TECPR2: variants seen among roughly 807,000 people sequenced by gnomAD.
TECPR2 encodes the protein tectonin beta-propeller repeat containing 2.
Under a neutral mutation model 138.1 loss-of-function variants are expected in TECPR2, and 65 were observed. The ratio of observed to expected loss-of-function variants is 0.47; its 90% confidence interval spans 0.39 to 0.58. TECPR2 has a LOEUF of 0.58. TECPR2 is among the 20% of genes least tolerant of loss of function. The pLI, the probability that TECPR2 is intolerant of heterozygous loss-of-function variation, is 0.00. For synonymous variants in TECPR2, 746 were observed against 749.8 expected (o/e 0.99, Z 0.08); for missense variants, 1,553 against 1,824.5 (o/e 0.85, Z 2.71).
intron 2 of TECPR2, among the ~76,000 whole-genome samples, chr14:102,381,921 G>GT (rs1266450213): frequency 6.6e-6 from 1 of 152,222 alleles, no homozygotes; most frequent in East Asian, 1.9e-4. Context: ...TACAACATAA[G>GT]TAAGGGAGAG....
At chr14:102,433,579 G>C (rs557560322) in intron 8 of TECPR2, among the ~76,000 whole-genome samples, 1 of 152,068 alleles carries the variant, frequency 6.6e-6, no homozygotes. Context: ...AGAGTGCAAT[G>C]GTGCGATCTC....
chr14:102,434,504 G>A lies in TECPR2; in HGVS notation c.1687G>A (p.Glu563Lys), dbSNP rs867965598. ...SGSMPDSLAE[E>K]DDIRTEMPHC... The stretch of plus-strand genomic sequence containing the variant: ...ATCAATGCCTGATTCTCTGGCTGAG[G>A]AAGATGACATTAGAACTGAAATGCC... Residue 563 changes from glutamate (E) to lysine (K), a missense_variant, in exon 9 of 20, where the codon GAA becomes AAA. By Grantham distance (56) the Glu-to-Lys change is moderately conservative. Coordinates refer to ENST00000359520, the MANE Select transcript of TECPR2 (RefSeq NM_014844.5). The A allele has an allele frequency of 1.0e-5, 16 of 1,563,004 alleles. No homozygotes were observed. The highest frequency in any genetic ancestry group is 3.5e-4 in the Middle Eastern group (2 of 5,794).
At chr14:102,433,162 G>A (rs184815791) in intron 8 of TECPR2, among the ~76,000 whole-genome samples, 1 of 152,060 alleles carries the variant, frequency 6.6e-6, no homozygotes, top group Admixed American at 6.5e-5. Context: ...CCAAATATGG[G>A]ATTTAACATT....
At position 102,498,383 on chromosome 14, in the gene TECPR2, G is replaced by C; in HGVS notation, c.*126G>C. On this transcript the variant is annotated 3_prime_UTR_variant, in exon 20 of 20. Transcript: ENST00000359520. ...AGACACCTCTGGCCAGGTTGGACCC[G>C]CACACTTACTTTCATCTATGTTGGT... The C allele has an allele frequency of 8.5e-7, 1 of 1,175,818 alleles. No homozygotes were observed. The highest frequency in any genetic ancestry group is 1.2e-6 in the Non-Finnish European group (1 of 859,886). 72.8% of individuals were successfully genotyped at this position (1,175,818 alleles called of 1,614,324 possible). A position where few individuals can be genotyped will look rare whatever the true frequency, so the allele number is the denominator to read the frequency against.
At chr14:102,384,185 C>T (rs573690647) in intron 2 of TECPR2, among the ~76,000 whole-genome samples, 59 of 152,042 alleles carry the variant, frequency 3.9e-4, no homozygotes, top group Non-Finnish European at 7.5e-4. Flanking sequence ...TCCCAAAGTG[C>T]TGGGATTACG....
intron 1 of TECPR2, among the ~76,000 whole-genome samples, chr14:102,366,490 G>A (rs1287949506): frequency 6.6e-6 from 1 of 152,144 alleles, no homozygotes; most frequent in Non-Finnish European, 1.5e-5. Flanking sequence ...GGGATTACAG[G>A]TGTGCGCCAC....
At chr14:102,425,869 TG>T (rs1889306178) in intron 6 of TECPR2, among the ~76,000 whole-genome samples, 1 of 132,598 alleles carries the variant, frequency 7.5e-6, no homozygotes, top group South Asian at 2.5e-4. Flanking sequence ...CCACCATGCC[TG>T]GTTTTTTTTT....
chr14:102,406,454 G>A (rs756838395), intron 2 of TECPR2, among the ~76,000 whole-genome samples: 7 of 152,190 alleles, frequency 4.6e-5, no homozygotes, highest in Admixed American at 2.0e-4. Flanking sequence ...GCTGAGGCAG[G>A]AGAATCGCTT....
At chr14:102,365,715 G>A (rs1887329802) in intron 1 of TECPR2, among the ~76,000 whole-genome samples, 2 of 152,218 alleles carry the variant, frequency 1.3e-5, no homozygotes, top group South Asian at 2.1e-4. Flanking sequence ...AGGGCTGAGA[G>A]AAGAAGCGTG....
intron 8 of TECPR2, among the ~76,000 whole-genome samples, chr14:102,433,542 C>T (rs543639250): frequency 3.3e-5 from 5 of 151,648 alleles, no homozygotes; most frequent in African/African-American, 1.2e-4. Flanking sequence ...TTATTGGAGA[C>T]AGAGTTTCAC....
At chr14:102,471,957 T>C (rs1890660378) in intron 17 of TECPR2, among the ~76,000 whole-genome samples, 1 of 152,230 alleles carries the variant, frequency 6.6e-6, no homozygotes, top group African/African-American at 2.4e-5. Flanking sequence ...GTCACAATTA[T>C]CACGTACATG....
At chr14:102,461,154 T>G (rs567479670) in intron 16 of TECPR2, among the ~76,000 whole-genome samples, 13 of 152,196 alleles carry the variant, frequency 8.5e-5, no homozygotes, top group Non-Finnish European at 1.8e-4. Context: ...TTGTAGTGAT[T>G]TATTATAATC....
chr14:102,450,858 C>T (rs1051686328), intron 15 of TECPR2, among the ~76,000 whole-genome samples: 1 of 152,168 alleles, frequency 6.6e-6, no homozygotes, highest in Non-Finnish European at 1.5e-5. Flanking sequence ...TGAGAGGGAC[C>T]GAGCGTGGTG....
intron 5 of TECPR2, among the ~76,000 whole-genome samples, 155 bp downstream of exon 5, chr14:102,414,948 C>T (rs1254551461): frequency 6.6e-6 from 1 of 152,170 alleles, no homozygotes; most frequent in African/African-American, 2.4e-5. Context: ...CCTGTGCCTG[C>T]TTAGGATTTC....
intron 17 of TECPR2, among the ~76,000 whole-genome samples, chr14:102,478,615 C>G (rs1890819405): frequency 6.6e-6 from 1 of 151,286 alleles, no homozygotes; most frequent in African/African-American, 2.4e-5. Context: ...TGTCAGTGCG[C>G]TCCAGCCTGG....
intron 6 of TECPR2, among the ~76,000 whole-genome samples, chr14:102,426,376 T>G (rs1190539): frequency 6.6e-6 from 1 of 152,158 alleles, no homozygotes; most frequent in East Asian, 1.9e-4. Flanking sequence ...TTTCAGTTTC[T>G]CCTTGTCTTA....
At chr14:102,388,581 C>T (rs1038845294) in intron 2 of TECPR2, among the ~76,000 whole-genome samples, 4 of 152,086 alleles carry the variant, frequency 2.6e-5, no homozygotes, top group Non-Finnish European at 5.9e-5. Context: ...GTTAACCCAA[C>T]ACTTTGGGAG....
intron 11 of TECPR2, among the ~76,000 whole-genome samples, chr14:102,442,255 G>A (rs1889856161): frequency 1.3e-5 from 2 of 152,196 alleles, no homozygotes; most frequent in African/African-American, 4.8e-5. Flanking sequence ...GGCATTATAG[G>A]CGTGAGCCAC....
intron 16 of TECPR2, among the ~76,000 whole-genome samples, chr14:102,460,613 CAA>C (rs143550871): frequency 7.9e-6 from 1 of 125,902 alleles, no homozygotes; most frequent in Admixed American, 7.9e-5. Context: ...GACTCTGTCT[CAA>C]AAAAAAAAAA....
Sources: gnomAD v4.1 joint callset for allele counts (sites outside exome capture counted in the v4.1 genomes callset) on GRCh38, gnomAD v4.1.1 for gene constraint, MANE v1.5 for transcripts, NCBI Gene and HGNC (gene_info 2026-07-23, HGNC 2026-07-21) for gene names.